The following CACNB2 variants were observed in gnomAD, a reference collection of about 807,000 sequenced individuals.
The protein encoded by CACNB2 is calcium voltage-gated channel auxiliary subunit beta 2.
CACNB2 carries 42 observed loss-of-function variants against 73.3 expected under a neutral mutation model. That is an observed-to-expected ratio of 0.57 (90% CI 0.45 to 0.74). The LOEUF (loss-of-function observed/expected upper bound fraction) is 0.74. Among genes scored for constraint, CACNB2 ranks in the 30% least tolerant of loss-of-function variants. The pLI is 0.00. For missense variants in CACNB2, 940 were observed against 853.0 expected (o/e 1.10, Z -1.27); for synonymous variants, 348 against 310.3 (o/e 1.12, Z -1.28).
chr10:18,171,676 G>A (rs1238705524), intron 2 of CACNB2, among the ~76,000 whole-genome samples: 1 of 151,214 alleles, frequency 6.6e-6, no homozygotes, highest in Admixed American at 6.6e-5. Flanking sequence ...TCATCTGTTT[G>A]GACAAGGATG....
intron 2 of CACNB2, among the ~76,000 whole-genome samples, chr10:18,237,174 G>C (rs1244801630): frequency 1.3e-5 from 2 of 152,140 alleles, no homozygotes; most frequent in Non-Finnish European, 2.9e-5. Context: ...AATAGAAAAA[G>C]GTGGTGTTCT....
intron 3 of CACNB2, 48 bp from the exon 4 acceptor site, chr10:18,498,307 A>G (rs375653521): frequency 9.9e-6 from 16 of 1,610,542 alleles, no homozygotes; most frequent in African/African-American, 1.3e-5. Context: ...AAGGAGGGAC[A>G]GTGTTGTTTT....
At chr10:18,478,821 A>C (rs2048572302) in intron 3 of CACNB2, among the ~76,000 whole-genome samples, 6 of 152,174 alleles carry the variant, frequency 3.9e-5, no homozygotes, top group Admixed American at 3.9e-4. Flanking sequence ...TCTTGGTATT[A>C]ACAGGGAGGG....
intron 3 of CACNB2, among the ~76,000 whole-genome samples, chr10:18,414,483 CTTTTTTTTTTTTTT>C (rs11384501): frequency 3.8e-5 from 5 of 132,178 alleles, no homozygotes; most frequent in African/African-American, 1.2e-4. Flanking sequence ...TTACTACTAC[CTTTTTTTTTTTTTT>C]TTTTTTTTGG....
chr10:18,489,035 C>T (rs147753529), intron 3 of CACNB2, among the ~76,000 whole-genome samples: 34 of 152,008 alleles, frequency 2.2e-4, no homozygotes, highest in Middle Eastern at 3.4e-3. Context: ...AAATATTGGC[C>T]GGGCACGGTG....
At chr10:18,141,223 C>CG in intron 1 of CACNB2, 6 of 358,528 alleles carry the variant, frequency 1.7e-5, no homozygotes, top group Admixed American at 1.4e-4. Flanking sequence ...ATCGTGAGTC[C>CG]GGGTGGGCGG....
Position 18,412,655 on chromosome 10 carries a change from G to T in CACNB2, c.333+10612G>T, listed in dbSNP as rs1226436703. On this transcript the variant is annotated intron_variant, in intron 3 of 13. Transcript: ENST00000324631. Reference sequence around the variant, plus strand: ...AGTCACTTTTGTCTTGCAGGTGCTGGTACACACAAAGTCTACTTCTACTAC... The same window carrying T: ...AGTCACTTTTGTCTTGCAGGTGCTGTTACACACAAAGTCTACTTCTACTAC... 2.0e-5 allele frequency among the ~76,000 whole-genome samples: 3 copies of T among 152,202 alleles called. 1 individual carries two copies. Among genetic ancestry groups the T allele is most frequent in the Admixed American group, 2.0e-4 (3 of 15,278 alleles).
intron 2 of CACNB2, among the ~76,000 whole-genome samples, chr10:18,211,300 T>G (rs1007390276): frequency 2.6e-5 from 4 of 152,208 alleles, no homozygotes; most frequent in Admixed American, 2.6e-4. Flanking sequence ...TGCCATTGTC[T>G]AGGAAACTAG....
At chr10:18,228,359 G>T (rs2036082732) in intron 2 of CACNB2, among the ~76,000 whole-genome samples, 1 of 137,382 alleles carries the variant, frequency 7.3e-6, no homozygotes, top group Non-Finnish European at 1.5e-5. Context: ...CTTGAACTTG[G>T]AAGGCAGAGG....
Position 18,485,789 on chromosome 10 carries a change from G to A in CACNB2, c.334-12566G>A, listed in dbSNP as rs551248749. The stretch of plus-strand genomic sequence containing the variant: ...ACTAAAGTAGGTTTTCACCATGTTG[G>A]CCAGGCTGCTCTCGAACTCCTGACC... On this transcript the variant is annotated intron_variant, in intron 3 of 13. Coordinates refer to ENST00000324631, the MANE Select transcript of CACNB2 (RefSeq NM_201596.3). Among the ~76,000 whole-genome samples, 3 of 151,630 alleles carry A rather than the reference G, an allele frequency of 2.0e-5. No homozygotes were observed. In the South Asian group the frequency reaches 6.3e-4, roughly 32 times the overall value.
Position 18,539,301 on chromosome 10 carries a change from T to G in CACNB2, c.1560T>G (p.Pro520=). 1 of 1,613,808 alleles carries G rather than the reference T, an allele frequency of 6.2e-7. No homozygotes were observed. The highest frequency in any genetic ancestry group is 8.5e-7 in the Non-Finnish European group (1 of 1,179,916). Residue 520 remains proline, a synonymous_variant, in exon 14 of 14, where the codon CCT becomes CCG. Transcript: ENST00000324631. ...CTGCTTCCCAAGCTGAAGAAGAACC[T>G]AGTGTGGAACCAGTCAAGAAATCCC... ...IRSASQAEEE[P]SVEPVKKSQH... is the part of the protein sequence containing the mutation.
intron 3 of CACNB2, among the ~76,000 whole-genome samples, chr10:18,459,931 G>A (rs1042308640): frequency 2.6e-5 from 4 of 152,036 alleles, no homozygotes; most frequent in South Asian, 2.1e-4. Flanking sequence ...CCAGGAGGCC[G>A]AGGTTGCAGT....
intron 2 of CACNB2, among the ~76,000 whole-genome samples, chr10:18,223,467 A>C (rs1482706208): frequency 6.6e-6 from 1 of 152,188 alleles, no homozygotes; most frequent in Non-Finnish European, 1.5e-5. Context: ...TTCCATGAAT[A>C]ATTATTGATT....
intron 3 of CACNB2, among the ~76,000 whole-genome samples, chr10:18,497,480 C>T (rs745706696): frequency 2.6e-5 from 4 of 152,072 alleles, no homozygotes; most frequent in Non-Finnish European, 5.9e-5. Flanking sequence ...AGTGCAGTCG[C>T]GTGATCATGG....
At chr10:18,499,442 C>A (rs1322374129) in intron 4 of CACNB2, among the ~76,000 whole-genome samples, 13 of 151,800 alleles carry the variant, frequency 8.6e-5, no homozygotes. Flanking sequence ...ATGGTGAACC[C>A]CGTCTCCACT....
At chr10:18,348,394 T>A (rs1471331217) in intron 2 of CACNB2, among the ~76,000 whole-genome samples, 4 of 152,206 alleles carry the variant, frequency 2.6e-5, no homozygotes, top group African/African-American at 7.2e-5. Context: ...GCACTGTAGC[T>A]GGAATACAGA....
At chr10:18,166,987 C>T (rs559523551) in intron 2 of CACNB2, among the ~76,000 whole-genome samples, 32 of 152,196 alleles carry the variant, frequency 2.1e-4, no homozygotes, top group South Asian at 4.1e-4. Flanking sequence ...CTTCCCGTTT[C>T]CTCTCCCGCT....
chr10:18,419,744 G>C (rs961012597), intron 3 of CACNB2, among the ~76,000 whole-genome samples: 8 of 152,320 alleles, frequency 5.3e-5, no homozygotes, highest in Admixed American at 1.3e-4. Flanking sequence ...CAGAAAGAAA[G>C]GGGAGGAATG....
At chr10:18,221,720 C>T (rs781205995) in intron 2 of CACNB2, among the ~76,000 whole-genome samples, 1 of 152,122 alleles carries the variant, frequency 6.6e-6, no homozygotes, top group Non-Finnish European at 1.5e-5. Flanking sequence ...TTCATGAGCA[C>T]TGAAAACCAT....
Sources: gnomAD v4.1 joint callset for allele counts (sites outside exome capture counted in the v4.1 genomes callset) on GRCh38, gnomAD v4.1.1 for gene constraint, MANE v1.5 for transcripts, NCBI Gene and HGNC (gene_info 2026-07-23, HGNC 2026-07-21) for gene names.